The following RIMS2 variants were observed in gnomAD, a reference collection of about 807,000 sequenced individuals.
The protein encoded by RIMS2 is regulating synaptic membrane exocytosis protein 2.
In RIMS2, 59 loss-of-function variants were observed where a neutral mutation model predicts 174.4. That is an observed-to-expected ratio of 0.34 (90% CI 0.27 to 0.42). The LOEUF is 0.42. Among genes scored for constraint, RIMS2 ranks in the 10% least tolerant of loss-of-function variants. The probability of loss-of-function intolerance (pLI) is 1.00; values close to 1 mark genes in which losing one functional copy is unlikely to be tolerated. For missense variants in RIMS2, 1,620 were observed against 1,666.3 expected (o/e 0.97, Z 0.48); for synonymous variants, 606 against 572.5 (o/e 1.06, Z -0.84).
intron 19 of RIMS2, among the ~76,000 whole-genome samples, chr8:104,122,031 C>A (rs2132381890): frequency 6.6e-6 from 1 of 152,108 alleles, no homozygotes; most frequent in South Asian, 2.1e-4. Flanking sequence ...TCCCTGTCAT[C>A]ATGGAGTTTA....
intron 20 of RIMS2, among the ~76,000 whole-genome samples, chr8:104,245,495 T>A (rs1382791857): frequency 6.6e-6 from 1 of 152,228 alleles, no homozygotes; most frequent in African/African-American, 2.4e-5. Flanking sequence ...ACAACTATAA[T>A]TATTTAATTA....
At chr8:104,223,564 C>G in intron 19 of RIMS2, 1 of 1,448,698 alleles carries the variant, frequency 6.9e-7, no homozygotes, top group Non-Finnish European at 9.1e-7. Flanking sequence ...TTCTGGCCCA[C>G]TGGTCCCGGA....
At chr8:104,168,167 A>G (rs539250658) in intron 19 of RIMS2, among the ~76,000 whole-genome samples, 12 of 152,090 alleles carry the variant, frequency 7.9e-5, no homozygotes, top group Non-Finnish European at 1.6e-4. Context: ...TTGGTTCCAT[A>G]TAAATTTTAG....
intron 1 of RIMS2, among the ~76,000 whole-genome samples, chr8:103,635,492 G>A (rs2096054970): frequency 6.6e-6 from 1 of 152,182 alleles, no homozygotes; most frequent in African/African-American, 2.4e-5. Flanking sequence ...TATGCTTGGT[G>A]CCCTTTCTAG....
chr8:103,958,520 T>C (rs1414210022), intron 14 of RIMS2, among the ~76,000 whole-genome samples: 8 of 152,134 alleles, frequency 5.3e-5, no homozygotes, highest in African/African-American at 1.9e-4. Context: ...AGTTGACCTA[T>C]GTAACAAACC....
At chr8:103,937,065 T>A (rs1015135891) in intron 13 of RIMS2, among the ~76,000 whole-genome samples, 1 of 151,384 alleles carries the variant, frequency 6.6e-6, no homozygotes, top group Non-Finnish European at 1.5e-5. Context: ...GCCACTGCAC[T>A]CCAGTCTGGG....
At chr8:103,624,085 CAAACA>C (rs1332171631) in intron 1 of RIMS2, among the ~76,000 whole-genome samples, 2 of 152,178 alleles carry the variant, frequency 1.3e-5, no homozygotes, top group African/African-American at 4.8e-5. Context: ...GCAAAACCCA[CAAACA>C]AAACCCATTA....
intron 1 of RIMS2, among the ~76,000 whole-genome samples, chr8:103,561,834 G>A (rs1301595827): frequency 6.6e-6 from 1 of 152,166 alleles, no homozygotes; most frequent in East Asian, 1.9e-4. Flanking sequence ...CAAAAGAGAG[G>A]TTTAATGGAC....
At chr8:103,535,987 T>C (rs965680165) in intron 1 of RIMS2, among the ~76,000 whole-genome samples, 3 of 152,210 alleles carry the variant, frequency 2.0e-5, no homozygotes, top group African/African-American at 7.2e-5. Flanking sequence ...CCATCTGTCT[T>C]CAATACTTGT....
chr8:103,872,076 G>A (rs1453312989), intron 3 of RIMS2, among the ~76,000 whole-genome samples: 2 of 152,232 alleles, frequency 1.3e-5, no homozygotes, highest in Middle Eastern at 3.4e-3. Context: ...GCTTACCAAA[G>A]AAAAAAGACC....
At chr8:103,989,732 G>A (rs540173826) in intron 17 of RIMS2, among the ~76,000 whole-genome samples, 1 of 152,202 alleles carries the variant, frequency 6.6e-6, no homozygotes, top group African/African-American at 2.4e-5. Context: ...AAACCAAGAT[G>A]TTTTATTATT....
chr8:103,701,488 A>G (rs1020670010), intron 2 of RIMS2, among the ~76,000 whole-genome samples: 4 of 152,086 alleles, frequency 2.6e-5, no homozygotes, highest in African/African-American at 9.7e-5. Context: ...TGATAACCAT[A>G]GTCTCTTTCT....
intron 17 of RIMS2, among the ~76,000 whole-genome samples, chr8:103,991,200 T>C (rs2094674802): frequency 6.6e-6 from 1 of 151,762 alleles, no homozygotes; most frequent in Non-Finnish European, 1.5e-5. Flanking sequence ...TATAATTATT[T>C]TCTGAAGTTT....
intron 1 of RIMS2, among the ~76,000 whole-genome samples, chr8:103,515,240 A>G (rs1035860934): frequency 2.0e-5 from 3 of 152,218 alleles, no homozygotes; most frequent in Non-Finnish European, 4.4e-5. Flanking sequence ...CTCATATTGT[A>G]ACATTTGACT....
intron 14 of RIMS2, among the ~76,000 whole-genome samples, chr8:103,959,601 T>A (rs2089136632): frequency 6.6e-6 from 1 of 151,896 alleles, no homozygotes; most frequent in African/African-American, 2.4e-5. Flanking sequence ...TTTTTTGTAT[T>A]TTAGTAGAGA....
At chr8:104,184,269 C>G (rs993157671) in intron 19 of RIMS2, among the ~76,000 whole-genome samples, 8 of 151,538 alleles carry the variant, frequency 5.3e-5, no homozygotes, top group African/African-American at 1.9e-4. Flanking sequence ...GTCATCATAT[C>G]CACACTCTAC....
At chr8:104,073,588 C>A (rs1395919436) in intron 19 of RIMS2, among the ~76,000 whole-genome samples, 2 of 152,156 alleles carry the variant, frequency 1.3e-5, no homozygotes, top group African/African-American at 4.8e-5. Flanking sequence ...AATTAAGAAG[C>A]AGTATAATCT....
chr8:103,517,613 C>T (rs1468758654), intron 1 of RIMS2, among the ~76,000 whole-genome samples: 1 of 152,040 alleles, frequency 6.6e-6, no homozygotes, highest in Non-Finnish European at 1.5e-5. Context: ...AATTATGAAA[C>T]CTAGTAACCT....
At chr8:103,842,372 C>T (rs941157483) in intron 3 of RIMS2, among the ~76,000 whole-genome samples, 4 of 151,742 alleles carry the variant, frequency 2.6e-5, no homozygotes, top group Non-Finnish European at 2.9e-5. Context: ...TTGCTTTGGG[C>T]GTTATAATTT....
Sources: allele counts gnomAD v4.1 joint callset (sites outside exome capture counted in the v4.1 genomes callset), GRCh38; gene constraint gnomAD v4.1.1; transcripts MANE v1.5; gene names NCBI Gene and HGNC (gene_info 2026-07-23, HGNC 2026-07-21).